Variants in TBCD observed in about 807,000 individuals in gnomAD.
TBCD encodes the protein tubulin folding cofactor D.
A neutral mutation model predicts 169.3 loss-of-function variants in TBCD; 105 were observed. That is an observed-to-expected ratio of 0.62 (90% CI 0.53 to 0.73). The LOEUF (loss-of-function observed/expected upper bound fraction) is 0.73, where lower values mean the gene tolerates loss of function less well. Among genes scored for constraint, TBCD ranks in the 30% least tolerant of loss-of-function variants. TBCD has a pLI of 0.00. For missense variants in TBCD, 1,444 were observed against 1,600.1 expected (o/e 0.90, Z 1.66); for synonymous variants, 700 against 643.9 (o/e 1.09, Z -1.32).
intron 2 of TBCD, among the ~76,000 whole-genome samples, chr17:82,759,795 A>G (rs1034226118): frequency 1.3e-5 from 2 of 152,070 alleles, no homozygotes; most frequent in Admixed American, 1.3e-4. Flanking sequence ...TCTATATTAA[A>G]TATTCAAATA....
At chr17:82,753,744 C>T (rs1019219452) in intron 1 of TBCD, among the ~76,000 whole-genome samples, 2 of 151,668 alleles carry the variant, frequency 1.3e-5, no homozygotes, top group Admixed American at 1.3e-4. Flanking sequence ...TGAGCCACTG[C>T]GCTCGGCCCC....
intron 14 of TBCD, among the ~76,000 whole-genome samples, chr17:82,876,571 G>A (rs12945629): frequency 0.2 from 30,832 of 152,176 alleles, 3,328 homozygotes; most frequent in Admixed American, 0.25. Flanking sequence ...AGCCAGTTTT[G>A]TTCTGAGAAT....
chr17:82,848,006 C>T (rs2055294162), intron 13 of TBCD, among the ~76,000 whole-genome samples: 1 of 152,198 alleles, frequency 6.6e-6, no homozygotes, highest in Middle Eastern at 3.2e-3. Flanking sequence ...CGGCCCCTGT[C>T]TGTTGCCCCT....
intron 13 of TBCD, among the ~76,000 whole-genome samples, chr17:82,847,356 GAAAAAA>G (rs1041994030): frequency 8.6e-5 from 7 of 81,750 alleles, no homozygotes; most frequent in African/African-American, 3.2e-4. Flanking sequence ...CCATGTCAAA[GAAAAAA>G]AAAAAAAAAA....
chr17:82,818,026 G>A lies in TBCD; in HGVS notation c.1318+3092G>A, dbSNP rs114946163. 7.5e-3 allele frequency among the ~76,000 whole-genome samples: 1,140 copies of A among 152,326 alleles called. 10 individuals are homozygous for A. The highest frequency in any genetic ancestry group is 0.026 in the African/African-American group (1,088 of 41,568). On this transcript the variant is annotated intron_variant, in intron 13 of 38. Coordinates refer to ENST00000355528, the MANE Select transcript of TBCD (RefSeq NM_005993.5). ...GGAGCCAGCTCCAGGTTCACTCAAA[G>A]GAGACAAGAGACTCTACTGGCTTGT...
chr17:82,862,303 G>T (rs555331003), intron 13 of TBCD, among the ~76,000 whole-genome samples: 1 of 151,864 alleles, frequency 6.6e-6, no homozygotes, highest in Admixed American at 6.6e-5. Flanking sequence ...ATGCAGGGGG[G>T]CTGCATAATG....
At chr17:82,781,027 G>A (rs2048913623) in intron 6 of TBCD, among the ~76,000 whole-genome samples, 1 of 151,968 alleles carries the variant, frequency 6.6e-6, no homozygotes. Context: ...TGGGGAGTGT[G>A]AGCACTGCCT....
In TBCD at chr17:82,806,701, C is replaced by T. The variant is rs1026571448; in HGVS notation, c.1087+690C>T. Among the ~76,000 whole-genome samples the T allele has an allele frequency of 3.3e-5, 5 of 152,280 alleles. No individual in the cohort carries two copies. The highest frequency in any genetic ancestry group is 1.2e-4 in the African/African-American group (5 of 41,550). ...GCTGTGCTGCACTCTGCTCACATCCCCGCCGCTCCCTCCAGGGCAGGTTTC... is the reference window on the plus strand; with the variant it reads ...GCTGTGCTGCACTCTGCTCACATCCTCGCCGCTCCCTCCAGGGCAGGTTTC... On this transcript the variant is annotated intron_variant, in intron 10 of 38. Coordinates refer to ENST00000355528, the MANE Select transcript of TBCD (RefSeq NM_005993.5). This position sits in a 1 kb window ranked among gnomAD's most constrained non-coding sequence, Gnocchi z 5.1.
chr17:82,782,775 CGTT>C lies in TBCD; in HGVS notation c.771+1057_771+1059del, dbSNP rs2049034510. On this transcript the variant is annotated intron_variant, in intron 7 of 38. Transcript: ENST00000355528. The surrounding 1 kb of genome is among the most constrained non-coding windows in gnomAD (Gnocchi z 5.1). Reference sequence around the variant, plus strand: ...CGCGGCATTGTCTTCCTATCCGCGGCGTTGTCTTCCTGTCTGTGGCGTCGTCCT... The same window carrying C: ...CGCGGCATTGTCTTCCTATCCGCGGCGTCTTCCTGTCTGTGGCGTCGTCCT... Among the ~76,000 whole-genome samples, 1 of 151,102 alleles carries C rather than the reference CGTT, an allele frequency of 6.6e-6. No individual in the cohort carries two copies. The highest frequency in any genetic ancestry group is 2.4e-5 in the African/African-American group (1 of 40,974).
At chr17:82,905,511 G>A (rs1322406275) in intron 19 of TBCD, among the ~76,000 whole-genome samples, 12 of 142,690 alleles carry the variant, frequency 8.4e-5, no homozygotes, top group Non-Finnish European at 1.7e-4. Context: ...CTGCCCTCCC[G>A]GCCCTGTGTG....
At chr17:82,791,582 T>C (rs1007281082) in intron 7 of TBCD, among the ~76,000 whole-genome samples, 5 of 152,182 alleles carry the variant, frequency 3.3e-5, no homozygotes, top group Non-Finnish European at 7.3e-5. Context: ...GTCCCTGTCA[T>C]GCAAAGATGG....
chr17:82,890,364 G>A lies in TBCD; in HGVS notation c.1563+667G>A, dbSNP rs2059045304. Reference sequence around the variant, plus strand: ...GCAAAGTTCCCACGAGAAGTCAGCCGAGAAGGCTCTGGAGTTCCCGGACAG... The same window carrying A: ...GCAAAGTTCCCACGAGAAGTCAGCCAAGAAGGCTCTGGAGTTCCCGGACAG... On this transcript the variant is annotated intron_variant, in intron 16 of 38. Coordinates refer to ENST00000355528, the MANE Select transcript of TBCD (RefSeq NM_005993.5). This position sits in a 1 kb window ranked among gnomAD's most constrained non-coding sequence, Gnocchi z 5.3. Among the ~76,000 whole-genome samples the A allele has an allele frequency of 6.6e-6, 1 of 152,052 alleles. No individual in the cohort carries two copies. The highest frequency in any genetic ancestry group is 2.1e-4 in the South Asian group (1 of 4,824).
intron 8 of TBCD, among the ~76,000 whole-genome samples, chr17:82,800,225 GTCC>G (rs1422785393): frequency 1.3e-5 from 2 of 152,168 alleles, no homozygotes; most frequent in Admixed American, 6.5e-5. Context: ...CGGGAATGCT[GTCC>G]TCCTGGCCTC....
chr17:82,927,912 A>G lies in TBCD; in HGVS notation c.2617A>G (p.Lys873Glu), dbSNP rs757970770. 3 of 1,613,456 alleles carry G rather than the reference A, an allele frequency of 1.9e-6. No individual in the cohort carries two copies. Among genetic ancestry groups the G allele is most frequent in the Admixed American group, 3.3e-5 (2 of 60,014 alleles). Residue 873 changes from lysine (K) to glutamate (E), a missense_variant, in exon 30 of 39, where the codon AAG (lysine) becomes GAG (glutamate). Transcript: ENST00000355528. The part of the protein sequence containing the change: ...SRGDVGTWVR[K>E]AAMTSLMDLT... ...CTCTCCTTGTCCCATCAGGGTCCGC[A>G]AGGCCGCCATGACCAGTCTGATGGA...
intron 6 of TBCD, among the ~76,000 whole-genome samples, chr17:82,776,216 C>T (rs1303044898): frequency 6.6e-6 from 1 of 151,510 alleles, no homozygotes; most frequent in East Asian, 1.9e-4. Flanking sequence ...AAGACTCCAT[C>T]TCAAAAAAAA....
intron 34 of TBCD, 26 bp downstream of exon 34, chr17:82,932,761 C>G (rs758714605): frequency 6.8e-6 from 11 of 1,611,452 alleles, no homozygotes; most frequent in Non-Finnish European, 9.3e-6. Context: ...TCATGACTTC[C>G]TTTCCGATTA....
chr17:82,821,991 T>C (rs539514645), intron 13 of TBCD, among the ~76,000 whole-genome samples: 20 of 152,376 alleles, frequency 1.3e-4, no homozygotes, highest in South Asian at 4.1e-4. Flanking sequence ...GCACACGCTC[T>C]CAGTGTTCAT....
intron 1 of TBCD, among the ~76,000 whole-genome samples, chr17:82,752,778 C>T (rs1463403606): frequency 6.6e-6 from 1 of 152,154 alleles, no homozygotes; most frequent in Non-Finnish European, 1.5e-5. Flanking sequence ...TGTGGACTCC[C>T]AGGCTTGCCT....
At chr17:82,926,912 C>G (rs968660505) in intron 28 of TBCD, 2 of 535,122 alleles carry the variant, frequency 3.7e-6, no homozygotes, top group Non-Finnish European at 6.7e-6. Context: ...TGCCAGCATC[C>G]GTTCCCTCTA....
Sources: allele counts gnomAD v4.1 joint callset (sites outside exome capture counted in the v4.1 genomes callset), GRCh38; gene constraint gnomAD v4.1.1; non-coding constraint Gnocchi (gnomAD v3.1); transcripts MANE v1.5; gene names NCBI Gene and HGNC (gene_info 2026-07-23, HGNC 2026-07-21).